HIP1: variants seen among roughly 807,000 people sequenced by gnomAD.
HIP1 encodes huntingtin-interacting protein 1.
HIP1 carries 65 observed loss-of-function variants against 147.6 expected under a neutral mutation model. The ratio of observed to expected loss-of-function variants is 0.44; its 90% CI spans 0.36 to 0.54. The LOEUF is 0.54. Ranked by LOEUF, HIP1 falls within the 20% of genes least tolerant of loss-of-function variation. HIP1 has a pLI of 0.00. For missense variants in HIP1, 1,061 were observed against 1,299.6 expected (o/e 0.82, Z 2.82); for synonymous variants, 479 against 504.0 (o/e 0.95, Z 0.67).
At chr7:75,723,153 G>T (rs1226916213) in intron 1 of HIP1, among the ~76,000 whole-genome samples, 1 of 152,058 alleles carries the variant, frequency 6.6e-6, no homozygotes, top group South Asian at 2.1e-4. Context: ...AGATCATGAG[G>T]TCAGGAGTTC....
chr7:75,595,235 T>TTC (rs1563230194), intron 2 of HIP1, among the ~76,000 whole-genome samples: 73 of 109,392 alleles, frequency 6.7e-4, no homozygotes, highest in African/African-American at 2.7e-3. Flanking sequence ...TTTCTTTCTT[T>TTC]CTTTCTTTCT....
intron 1 of HIP1, among the ~76,000 whole-genome samples, chr7:75,683,452 CA>C (rs1800161601): frequency 6.6e-6 from 1 of 152,130 alleles, no homozygotes; most frequent in Non-Finnish European, 1.5e-5. Flanking sequence ...TGGGAGTGCA[CA>C]GGAGAGCAGG....
intron 7 of HIP1, among the ~76,000 whole-genome samples, chr7:75,578,253 C>T (rs1328862058): frequency 6.6e-6 from 1 of 152,176 alleles, no homozygotes; most frequent in Non-Finnish European, 1.5e-5. Flanking sequence ...GCAGCCGGCT[C>T]CAAGAAGAGG....
At chr7:75,704,901 T>C (rs545727548) in intron 1 of HIP1, among the ~76,000 whole-genome samples, 18 of 152,212 alleles carry the variant, frequency 1.2e-4, no homozygotes, top group Non-Finnish European at 2.6e-4. Flanking sequence ...AATTCTCCAG[T>C]TCCAGAAACA....
At chr7:75,562,213 G>C (rs932183048) in intron 11 of HIP1, 43 bp from the exon 12 acceptor site, 1 of 1,335,712 alleles carries the variant, frequency 7.5e-7, no homozygotes, top group Non-Finnish European at 1.1e-6. Flanking sequence ...CAGAGAGCCA[G>C]AGAATTCTGT....
chr7:75,534,439 CTTTT>C lies in HIP1; in HGVS notation c.*3729_*3732del, dbSNP rs782284084. 1 of 167,340 alleles carries C rather than the reference CTTTT, an allele frequency of 6.0e-6. No homozygotes were observed. The highest frequency in any genetic ancestry group is 1.3e-5 in the Non-Finnish European group (1 of 78,736). 10.4% of individuals were successfully genotyped at this position (167,340 alleles called of 1,614,324 possible). On this transcript the variant is annotated 3_prime_UTR_variant, in exon 31 of 31. Coordinates refer to ENST00000336926, the MANE Select transcript of HIP1 (RefSeq NM_005338.7). Reference sequence around the variant, plus strand: ...CTTCTATTTCTTTCTCTCTCTCTCTCTTTTTTTTTTTTGAGATGGAGTCTCACTC... The same window carrying C: ...CTTCTATTTCTTTCTCTCTCTCTCTCTTTTTTTTGAGATGGAGTCTCACTC...
At chr7:75,610,684 T>C (rs1238866991) in intron 1 of HIP1, among the ~76,000 whole-genome samples, 3 of 151,542 alleles carry the variant, frequency 2.0e-5, no homozygotes, top group Non-Finnish European at 4.4e-5. Flanking sequence ...GACTGGCTGC[T>C]TCCCAGCACT....
chr7:75,571,750 T>C lies in HIP1; in HGVS notation c.745+2011A>G, dbSNP rs185387292. On this transcript the variant is annotated intron_variant, in intron 8 of 30. Transcript: ENST00000336926. ...GGCGCATGTCACCATGCCTGGCTAA[T>C]TTTTGTATTTTTTGTACAGACAGGG... Among the ~76,000 whole-genome samples, 99 of 152,160 alleles carry C rather than the reference T, an allele frequency of 6.5e-4. 1 individual carries two copies. Among genetic ancestry groups the C allele is most frequent in the Non-Finnish European group, 6.9e-4 (47 of 68,002 alleles).
chr7:75,562,905 G>C, intron 11 of HIP1, 30 bp downstream of exon 11: 1 of 1,612,738 alleles, frequency 6.2e-7, no homozygotes, highest in Non-Finnish European at 8.5e-7. Context: ...TGAGAGGAAA[G>C]GCCAAGTTTC....
At chr7:75,624,551 G>A (rs1031873447) in intron 1 of HIP1, among the ~76,000 whole-genome samples, 23 of 152,258 alleles carry the variant, frequency 1.5e-4, no homozygotes, top group African/African-American at 5.5e-4. Flanking sequence ...ACAGCCTACT[G>A]GTCTCCTGGT....
chr7:75,575,695 G>A (rs782355821), intron 7 of HIP1, among the ~76,000 whole-genome samples: 25 of 151,966 alleles, frequency 1.6e-4, no homozygotes, highest in Non-Finnish European at 2.9e-4. Context: ...GCAACTGGCC[G>A]TCTGGCTGCA....
At chr7:75,659,489 A>C (rs1301722709) in intron 1 of HIP1, among the ~76,000 whole-genome samples, 1 of 152,008 alleles carries the variant, frequency 6.6e-6, no homozygotes, top group Non-Finnish European at 1.5e-5. Flanking sequence ...TCTCTACAAA[A>C]AATACAAAAA....
At chr7:75,720,595 T>G (rs1801470654) in intron 1 of HIP1, among the ~76,000 whole-genome samples, 1 of 152,182 alleles carries the variant, frequency 6.6e-6, no homozygotes, top group Non-Finnish European at 1.5e-5. Flanking sequence ...AAATAATCTC[T>G]CAGGTCCCTG....
chr7:75,668,947 G>A (rs1563282222), intron 1 of HIP1, among the ~76,000 whole-genome samples: 1 of 152,174 alleles, frequency 6.6e-6, no homozygotes, highest in African/African-American at 2.4e-5. Context: ...GCTGGGCGCG[G>A]TGGCTCACGC....
chr7:75,557,805 T>A (rs782300869), intron 15 of HIP1, 35 bp from the exon 16 acceptor site: 6 of 1,509,676 alleles, frequency 4.0e-6, no homozygotes, highest in Non-Finnish European at 5.5e-6. Flanking sequence ...AACCAGGAGA[T>A]CCCAGGCTTA....
chr7:75,715,774 C>CAAAA lies in HIP1; in HGVS notation c.120+23023_120+23026dup, dbSNP rs34769081. 1.4e-3 allele frequency among the ~76,000 whole-genome samples: 50 copies of CAAAA among 36,684 alleles called. 1 individual carries two copies. In the South Asian group the frequency reaches 0.029, roughly 21 times the overall value. 24.1% of individuals were successfully genotyped at this position (36,684 alleles called of 152,430 possible). On this transcript the variant is annotated intron_variant, in intron 1 of 30. Coordinates refer to ENST00000336926, the MANE Select transcript of HIP1 (RefSeq NM_005338.7). Reference sequence around the variant, plus strand: ...TAGGCAACAGAGTGAGATCCTGTCTCAAAAAAAAAAAAAAAAAAAAAAAAA... The same window carrying CAAAA: ...TAGGCAACAGAGTGAGATCCTGTCTCAAAAAAAAAAAAAAAAAAAAAAAAAAAAA...
chr7:75,601,656 C>T (rs1796980886), intron 1 of HIP1, among the ~76,000 whole-genome samples: 1 of 151,744 alleles, frequency 6.6e-6, no homozygotes, highest in Admixed American at 6.6e-5. Flanking sequence ...GAAAAGAAAT[C>T]TTATTAGAAT....
At chr7:75,634,299 C>T (rs1421263184) in intron 1 of HIP1, among the ~76,000 whole-genome samples, 1 of 151,766 alleles carries the variant, frequency 6.6e-6, no homozygotes, top group African/African-American at 2.4e-5. Flanking sequence ...AGGGGATTTA[C>T]GAGGCTCAGA....
intron 1 of HIP1, among the ~76,000 whole-genome samples, chr7:75,644,965 T>C (rs1414834845): frequency 1.3e-5 from 2 of 152,304 alleles, no homozygotes; most frequent in East Asian, 3.9e-4. Context: ...AGCCTTTTGC[T>C]GCCTCTCTTT....
Sources: allele counts gnomAD v4.1 joint callset (sites outside exome capture counted in the v4.1 genomes callset), GRCh38; gene constraint gnomAD v4.1.1; transcripts MANE v1.5; gene names NCBI Gene and HGNC (gene_info 2026-07-23, HGNC 2026-07-21).